The following TRPS1 variants were observed in gnomAD, a reference collection of about 807,000 sequenced individuals.
The protein encoded by TRPS1 is transcriptional repressor GATA binding 1, also known as zinc finger transcription factor Trps1.
TRPS1 carries 6 observed loss-of-function variants against 101.2 expected under a neutral mutation model. The observed-to-expected ratio is 0.06, with a 90% CI of 0.03 to 0.12. TRPS1 has a LOEUF of 0.12. TRPS1 is among the 10% of genes least tolerant of loss of function. The pLI, the probability that TRPS1 is intolerant of heterozygous loss-of-function variation, is 1.00. For synonymous variants in TRPS1, 578 were observed against 589.8 expected, an observed-to-expected ratio of 0.98 and a Z score of 0.29; for missense variants, 1,363 against 1,567.0, an observed-to-expected ratio of 0.87 and a Z score of 2.20.
chr8:115,545,358 A>G (rs1280155894), intron 5 of TRPS1, among the ~76,000 whole-genome samples: 2 of 152,204 alleles, frequency 1.3e-5, no homozygotes, highest in East Asian at 3.9e-4. Context: ...TCTATTCAGT[A>G]GCATTTTTCA....
chr8:115,548,067 A>T (rs1199220329), intron 5 of TRPS1, among the ~76,000 whole-genome samples: 2 of 149,922 alleles, frequency 1.3e-5, no homozygotes, highest in African/African-American at 5.0e-5. Context: ...CCATCTCTAC[A>T]TAAAAAAAAA....
chr8:115,618,689 A>C (rs548628998), intron 3 of TRPS1, among the ~76,000 whole-genome samples: 24 of 152,352 alleles, frequency 1.6e-4, no homozygotes, highest in African/African-American at 5.8e-4. Flanking sequence ...GATGAATATA[A>C]AATCAAATCC....
At chr8:115,491,887 A>G (rs779889176) in intron 5 of TRPS1, among the ~76,000 whole-genome samples, 1 of 152,182 alleles carries the variant, frequency 6.6e-6, no homozygotes, top group Non-Finnish European at 1.5e-5. Flanking sequence ...GAATCCAAAT[A>G]CAAACGAGTT....
intron 1 of TRPS1, among the ~76,000 whole-genome samples, chr8:115,634,023 C>CA (rs111501236): frequency 4.0e-5 from 6 of 150,638 alleles, no homozygotes; most frequent in Non-Finnish European, 7.4e-5. Flanking sequence ...ACAACAACAA[C>CA]AAAAAAAAAG....
In TRPS1 at chr8:115,656,939, T is replaced by C. The variant is rs559160647; in HGVS notation, c.-122+11606A>G. Among the ~76,000 whole-genome samples the C allele has an allele frequency of 5.3e-5, 8 of 152,230 alleles. No homozygotes were observed. The East Asian group carries it at 1.5e-3, about 29-fold the overall frequency. ...TAAAAGAAAAAAACTAAACTAAATA[T>C]TTCAAAATCAATGGACTTCAAGTAA... On this transcript the variant is annotated intron_variant, in intron 1 of 6. Transcript: ENST00000395715.
At chr8:115,593,405 GA>G (rs1325904518) in intron 4 of TRPS1, among the ~76,000 whole-genome samples, 1 of 152,102 alleles carries the variant, frequency 6.6e-6, no homozygotes, top group Non-Finnish European at 1.5e-5. Flanking sequence ...TAAAAATATT[GA>G]AGGCAAAATA....
intron 5 of TRPS1, among the ~76,000 whole-genome samples, chr8:115,458,117 A>G (rs1049901662): frequency 3.9e-5 from 6 of 152,136 alleles, no homozygotes; most frequent in African/African-American, 1.4e-4. Context: ...CTGACTTCCA[A>G]TGACTGCATG....
intron 1 of TRPS1, among the ~76,000 whole-genome samples, chr8:115,649,880 G>A (rs1811519715): frequency 6.6e-6 from 1 of 152,178 alleles, no homozygotes; most frequent in Non-Finnish European, 1.5e-5. Flanking sequence ...CAGCACACAT[G>A]CTGTACAGCT....
intron 5 of TRPS1, among the ~76,000 whole-genome samples, chr8:115,475,654 CTTTAGCAGTGCTATCTCG>C (rs11274460): frequency 4.8e-4 from 73 of 151,788 alleles, no homozygotes; most frequent in Non-Finnish European, 7.5e-4. Flanking sequence ...CAGACATAAA[CTTTAGCAGTGCTATCTCG>C]TTTAGCAGTG....
At chr8:115,629,200 A>G (rs1818582345) in intron 1 of TRPS1, among the ~76,000 whole-genome samples, 3 of 152,032 alleles carry the variant, frequency 2.0e-5, no homozygotes, top group South Asian at 2.1e-4. Context: ...TAACTTGGCA[A>G]AAAGACTAAG....
intron 5 of TRPS1, among the ~76,000 whole-genome samples, chr8:115,423,565 C>G (rs1238076523): frequency 6.6e-6 from 1 of 152,092 alleles, no homozygotes; most frequent in Non-Finnish European, 1.5e-5. Context: ...TAATTTTTTC[C>G]TCCCCTTTAG....
At chr8:115,570,364 C>T (rs192661550) in intron 5 of TRPS1, among the ~76,000 whole-genome samples, 23 of 151,968 alleles carry the variant, frequency 1.5e-4, no homozygotes, top group Middle Eastern at 3.4e-3. Flanking sequence ...ACAGGCGGTA[C>T]GGCAGTCTCA....
At position 115,418,779 on chromosome 8, in the gene TRPS1, C is replaced by A. The variant is rs1421598370; in HGVS notation, c.2701-327G>T. Reference sequence around the variant, plus strand: ...TACCTTTTAAAAGTGTCAAAACATACGTCAAAAAGACAGAACATGGCAATA... The same window carrying A: ...TACCTTTTAAAAGTGTCAAAACATAAGTCAAAAAGACAGAACATGGCAATA... On this transcript the variant is annotated intron_variant, in intron 5 of 6. Transcript: ENST00000395715. This position sits in a 1 kb window ranked among gnomAD's most constrained non-coding sequence, Gnocchi z 4.3. Among the ~76,000 whole-genome samples, 1 of 152,046 alleles carries A rather than the reference C, an allele frequency of 6.6e-6. No individual in the cohort carries two copies. Among genetic ancestry groups the A allele is most frequent in the Non-Finnish European group, 1.5e-5 (1 of 68,024 alleles).
intron 4 of TRPS1, among the ~76,000 whole-genome samples, chr8:115,589,618 G>A (rs1817638312): frequency 6.6e-6 from 1 of 151,990 alleles, no homozygotes; most frequent in African/African-American, 2.4e-5. Flanking sequence ...GACCATAAAA[G>A]CACAATAGTA....
intron 5 of TRPS1, among the ~76,000 whole-genome samples, chr8:115,525,472 TAAAC>T: frequency 6.6e-6 from 1 of 152,214 alleles, no homozygotes; most frequent in African/African-American, 2.4e-5. Context: ...TATTTCATCC[TAAAC>T]AATGGTGGTG....
At chr8:115,561,925 C>CT (rs1673665028) in intron 5 of TRPS1, among the ~76,000 whole-genome samples, 2 of 151,992 alleles carry the variant, frequency 1.3e-5, no homozygotes, top group Admixed American at 1.3e-4. Flanking sequence ...AGCCAAGCAC[C>CT]TTAATCATGT....
intron 5 of TRPS1, among the ~76,000 whole-genome samples, chr8:115,530,880 T>C (rs939997474): frequency 6.6e-6 from 1 of 151,304 alleles, no homozygotes; most frequent in Non-Finnish European, 1.5e-5. Context: ...AATTGAACAA[T>C]GAGAACACCT....
intron 5 of TRPS1, among the ~76,000 whole-genome samples, chr8:115,579,674 T>C (rs1343477852): frequency 6.6e-6 from 1 of 152,094 alleles, no homozygotes; most frequent in African/African-American, 2.4e-5. Flanking sequence ...TAGATATCTA[T>C]AGTGTATATA....
chr8:115,475,690 G>GTTTAGCAGTGCTATCTCA (rs59745496), intron 5 of TRPS1, among the ~76,000 whole-genome samples: 1 of 152,036 alleles, frequency 6.6e-6, no homozygotes, highest in African/African-American at 2.4e-5. Flanking sequence ...GTGCTATCTC[G>GTTTAGCAGTGCTATCTCA]ACGATTACAA....
Sources: gnomAD v4.1 joint callset for allele counts (sites outside exome capture counted in the v4.1 genomes callset) on GRCh38, gnomAD v4.1.1 for gene constraint, Gnocchi (gnomAD v3.1) non-coding constraint, MANE v1.5 for transcripts, NCBI Gene and HGNC (gene_info 2026-07-23, HGNC 2026-07-21) for gene names.